SHANK2: variants seen among roughly 807,000 people sequenced by gnomAD.
SHANK2 encodes the protein SH3 and multiple ankyrin repeat domains protein 2.
SHANK2 carries 43 observed loss-of-function variants against 133.7 expected under a neutral mutation model. The observed-to-expected ratio is 0.32, with a 90% confidence interval of 0.25 to 0.41. The LOEUF (loss-of-function observed/expected upper bound fraction) is 0.41. SHANK2 is among the 10% of genes least tolerant of loss of function. The pLI, the probability that SHANK2 is intolerant of heterozygous loss-of-function variation, is 1.00. For missense variants in SHANK2, 1,994 were observed against 2,235.8 expected (o/e 0.89, Z 2.18); for synonymous variants, 1,017 against 952.8 (o/e 1.07, Z -1.24).
Position 70,895,542 on chromosome 11 carries a change from T to A in SHANK2, c.1174+959A>T, listed in dbSNP as rs146288341. On this transcript the variant is annotated intron_variant, in intron 11 of 25. Transcript: ENST00000601538. ...GGGAGAGAGGAGGAGCCCCAAAGAC[T>A]CTCCTCCTGGTTGGCACAAGGGGTA... 7.8e-3 allele frequency: 1,184 copies of A among 151,980 alleles called. 7 individuals are homozygous for A. The highest frequency in any genetic ancestry group is 0.011 in the Non-Finnish European group (762 of 67,886). The allele number at this position is 151,980 out of a possible 1,614,324, so 9.4% of individuals were successfully genotyped here.
In SHANK2 at chr11:70,672,062, TTTTC is replaced by T. The variant is rs1215016467; in HGVS notation, c.1854-10388_1854-10385del. Among the ~76,000 whole-genome samples the T allele has an allele frequency of 3.1e-4, 33 of 107,016 alleles. 2 individuals carry two copies. Among genetic ancestry groups the T allele is most frequent in the African/African-American group, 8.9e-4 (28 of 31,420 alleles). The allele number at this position is 107,016 out of a possible 152,430, so 70.2% of individuals were successfully genotyped here. On this transcript the variant is annotated intron_variant, in intron 15 of 25. Coordinates refer to ENST00000601538, the MANE Select transcript of SHANK2 (RefSeq NM_012309.5). The stretch of plus-strand genomic sequence containing the variant: ...GATCCCCACCATACTTTTCTTTTCT[TTTTC>T]TTTTTTTTTTTTTTTTAGAGGGAGT...
intron 11 of SHANK2, among the ~76,000 whole-genome samples, chr11:70,853,999 C>T (rs184259317): frequency 1.9e-3 from 283 of 152,288 alleles, no homozygotes; most frequent in African/African-American, 6.5e-3. Flanking sequence ...GACGCTATTT[C>T]TAAATAAGGT....
chr11:70,819,404 G>T (rs568753650), intron 12 of SHANK2, among the ~76,000 whole-genome samples: 1 of 152,244 alleles, frequency 6.6e-6, no homozygotes, highest in Non-Finnish European at 1.5e-5. Flanking sequence ...TGCAGCTTTC[G>T]TGGCTGGAAC....
chr11:71,207,304 C>T (rs1343690267), intron 2 of SHANK2, among the ~76,000 whole-genome samples: 4 of 151,732 alleles, frequency 2.6e-5, no homozygotes, highest in East Asian at 1.9e-4. Context: ...CTCAGCCTCC[C>T]GAATAGCTGG....
chr11:70,503,014 G>A (rs1444860268), intron 17 of SHANK2, 83 bp from the exon 18 acceptor site: 2 of 1,511,872 alleles, frequency 1.3e-6, no homozygotes, highest in Non-Finnish European at 1.8e-6. Context: ...AGAGACATGT[G>A]GGCTCCTAAA....
Position 70,487,490 on chromosome 11 carries a change from C to T in SHANK2, c.2803G>A (p.Ala935Thr), listed in dbSNP as rs199629765. 1.9e-5 allele frequency: 30 copies of T among 1,613,784 alleles called. No individual in the cohort carries two copies. The highest frequency in any genetic ancestry group is 2.1e-5 in the Non-Finnish European group (25 of 1,180,014). ...NQNSAAKVSP[A>T]TRSDTVATMM... is the part of the protein sequence containing the mutation. ...GTGGCCACGGTGTCGGACCTGGTGG[C>T]GGGGGACACCTTGGCGGCAGAATTC... Residue 935 changes from alanine to threonine, a missense_variant, in exon 25 of 26, where the codon GCC (alanine) becomes ACC (threonine). Around this residue, in one of 5 missense-constraint regions of SHANK2, gnomAD observed 488 missense variants for 642.6 expected, o/e 0.76. Coordinates refer to ENST00000601538, the MANE Select transcript of SHANK2 (RefSeq NM_012309.5). The surrounding 1 kb of genome is among the most constrained non-coding windows in gnomAD (Gnocchi z 5.8).
At chr11:71,108,268 T>C (rs563023568) in intron 6 of SHANK2, among the ~76,000 whole-genome samples, 44 of 152,312 alleles carry the variant, frequency 2.9e-4, no homozygotes, top group Non-Finnish European at 4.7e-4. Context: ...ACGAGACGCA[T>C]CCACGTCAGG....
intron 20 of SHANK2, among the ~76,000 whole-genome samples, chr11:70,501,679 C>T (rs566158125): frequency 1.3e-5 from 2 of 152,350 alleles, no homozygotes; most frequent in East Asian, 1.9e-4. Context: ...GCCAGAGCCT[C>T]TCTCTGTTGC....
intron 14 of SHANK2, among the ~76,000 whole-genome samples, chr11:70,725,769 G>C (rs1222425966): frequency 6.6e-6 from 1 of 152,200 alleles, no homozygotes; most frequent in African/African-American, 2.4e-5. Context: ...TGTCTTCATG[G>C]ATGACCCGGT....
At chr11:70,478,909 C>T (rs1555150805) in intron 25 of SHANK2, among the ~76,000 whole-genome samples, 1 of 152,206 alleles carries the variant, frequency 6.6e-6, no homozygotes, top group East Asian at 1.9e-4. Context: ...ACCAGGAATC[C>T]AGGTCTTCAG....
At chr11:70,600,931 A>C (rs965177494) in intron 17 of SHANK2, among the ~76,000 whole-genome samples, 3 of 152,230 alleles carry the variant, frequency 2.0e-5, no homozygotes, top group African/African-American at 7.2e-5. Context: ...ACTCTGAAGG[A>C]AAGTTTGATA....
intron 14 of SHANK2, among the ~76,000 whole-genome samples, chr11:70,778,151 CA>C (rs1459132027): frequency 6.6e-6 from 1 of 152,194 alleles, no homozygotes; most frequent in Non-Finnish European, 1.5e-5. Flanking sequence ...AGACATAAAT[CA>C]GGAGTCATGG....
intron 15 of SHANK2, chr11:70,667,982 A>G (rs1383180000): frequency 6.6e-6 from 1 of 152,200 alleles, no homozygotes; most frequent in East Asian, 1.9e-4. Context: ...GCCAGTGTCA[A>G]GCCGCCGTGT....
At chr11:70,592,091 A>C (rs920410592) in intron 17 of SHANK2, among the ~76,000 whole-genome samples, 55 of 152,240 alleles carry the variant, frequency 3.6e-4, no homozygotes, top group African/African-American at 1.3e-3. Context: ...AGAGGTGTGG[A>C]GACTACATTT....
In SHANK2 at chr11:70,951,079, G is replaced by A. The variant is rs189567562; in HGVS notation, c.1108-54512C>T. Reference sequence around the variant, plus strand: ...ATTAGCCCCATTTCAAAGAAGTAGAGAGGAGTTGCATTCATCTCCCCTGAC... The same window carrying A: ...ATTAGCCCCATTTCAAAGAAGTAGAAAGGAGTTGCATTCATCTCCCCTGAC... On this transcript the variant is annotated intron_variant, in intron 10 of 25. Coordinates refer to ENST00000601538, the MANE Select transcript of SHANK2 (RefSeq NM_012309.5). The A allele has an allele frequency of 1.3e-5, 4 of 314,738 alleles. No individual in the cohort carries two copies. The East Asian group carries it at 3.6e-4, about 29-fold the overall frequency. 19.5% of individuals were successfully genotyped at this position (314,738 alleles called of 1,614,324 possible).
In SHANK2 at chr11:70,645,142, C is replaced by T. The variant is rs529233092; in HGVS notation, c.2061+14686G>A. 5.9e-5 allele frequency among the ~76,000 whole-genome samples: 9 copies of T among 152,036 alleles called. No homozygotes were observed. In the South Asian group the frequency reaches 1.2e-3, roughly 21 times the overall value. On this transcript the variant is annotated intron_variant, in intron 17 of 25. Coordinates refer to ENST00000601538, the MANE Select transcript of SHANK2 (RefSeq NM_012309.5). ...AGGAGAATCGCTTGAACCTGGGAGG[C>T]GGAGATTGCAGTGGGCCGAGATCAC...
intron 2 of SHANK2, among the ~76,000 whole-genome samples, chr11:71,211,841 G>C (rs1245641661): frequency 5.3e-5 from 8 of 151,886 alleles, no homozygotes; most frequent in Non-Finnish European, 1.0e-4. Context: ...CTTCTTTTGA[G>C]AAAAGCTTTG....
intron 14 of SHANK2, among the ~76,000 whole-genome samples, chr11:70,757,970 A>G (rs1456850837): frequency 2.0e-5 from 3 of 152,146 alleles, no homozygotes; most frequent in Non-Finnish European, 4.4e-5. Flanking sequence ...TGGAGGTGAG[A>G]GACAGAACTA....
At chr11:70,914,540 G>T (rs1031580123) in intron 10 of SHANK2, among the ~76,000 whole-genome samples, 1 of 151,750 alleles carries the variant, frequency 6.6e-6, no homozygotes, top group African/African-American at 2.4e-5. Flanking sequence ...GAGGAGGGTT[G>T]GGCACGGTAG....
Sources: allele counts gnomAD v4.1 joint callset (sites outside exome capture counted in the v4.1 genomes callset), GRCh38; gene constraint gnomAD v4.1.1; regional missense constraint gnomAD v4.1.1; non-coding constraint Gnocchi (gnomAD v3.1); transcripts MANE v1.5; gene names NCBI Gene and HGNC (gene_info 2026-07-23, HGNC 2026-07-21).